The following NRXN3 variants were observed in gnomAD, a reference collection of about 807,000 sequenced individuals.
The protein encoded by NRXN3 is neurexin 3.
Under a neutral mutation model 137.6 loss-of-function variants are expected in NRXN3, and 32 were observed. That is an observed-to-expected ratio of 0.23 (90% CI 0.18 to 0.31). The LOEUF (loss-of-function observed/expected upper bound fraction) is 0.31, where lower values mean the gene tolerates loss of function less well. NRXN3 is among the 10% of genes least tolerant of loss of function. The probability of loss-of-function intolerance (pLI) is 1.00; values close to 1 mark genes in which losing one functional copy is unlikely to be tolerated. For synonymous variants in NRXN3, 798 were observed against 784.5 expected (o/e 1.02, Z -0.29); for missense variants, 1,574 against 2,062.5 (o/e 0.76, Z 4.59).
chr14:79,168,863 C>T (rs2061524342), intron 15 of NRXN3, among the ~76,000 whole-genome samples: 1 of 152,190 alleles, frequency 6.6e-6, no homozygotes, highest in Admixed American at 6.5e-5. Context: ...GGTATCGTTT[C>T]CTGTGCTACT....
intron 4 of NRXN3, among the ~76,000 whole-genome samples, chr14:78,443,305 C>T (rs1299652296): frequency 6.6e-6 from 1 of 152,074 alleles, no homozygotes; most frequent in Non-Finnish European, 1.5e-5. Flanking sequence ...TATGTTGATC[C>T]TCTGTTATTG....
In NRXN3 at chr14:79,572,402, A is replaced by G. The variant is rs567850358; in HGVS notation, c.3445-91376A>G. On this transcript the variant is annotated intron_variant, in intron 16 of 20. Coordinates refer to ENST00000335750, the MANE Select transcript of NRXN3 (RefSeq NM_001330195.2). ...TTCAGAACTATAAATTACAATATTA[A>G]TGAACTTATTTTTAATTCCCATCAC... 7.2e-5 allele frequency among the ~76,000 whole-genome samples: 11 copies of G among 152,340 alleles called. No individual in the cohort carries two copies. In the South Asian group the frequency reaches 2.3e-3, roughly 32 times the overall value.
At chr14:78,292,258 A>G (rs1036031167) in intron 3 of NRXN3, among the ~76,000 whole-genome samples, 2 of 152,222 alleles carry the variant, frequency 1.3e-5, no homozygotes, top group African/African-American at 4.8e-5. Context: ...AGCTATAGCT[A>G]TCTCCATGGG....
At chr14:78,197,780 T>C (rs1310941762) in intron 1 of NRXN3, among the ~76,000 whole-genome samples, 1 of 152,224 alleles carries the variant, frequency 6.6e-6, no homozygotes, top group East Asian at 1.9e-4. Flanking sequence ...TCCAGCTTCC[T>C]TCTCCTCTCC....
intron 4 of NRXN3, among the ~76,000 whole-genome samples, chr14:78,378,462 G>A (rs1486467468): frequency 7.0e-6 from 1 of 143,450 alleles, no homozygotes; most frequent in East Asian, 2.1e-4. Context: ...TCCAGCCTGG[G>A]CAACAGAACA....
At chr14:79,279,860 AC>A (rs779423113) in intron 15 of NRXN3, 4 of 1,011,814 alleles carry the variant, frequency 4.0e-6, no homozygotes, top group Middle Eastern at 5.1e-4. Flanking sequence ...ACCTGAACCC[AC>A]TTGGGTTCGG....
chr14:78,353,070 G>A (rs533790906), intron 4 of NRXN3, among the ~76,000 whole-genome samples: 27 of 152,258 alleles, frequency 1.8e-4, no homozygotes, highest in African/African-American at 6.3e-4. Context: ...AGATTCTTAG[G>A]ACTAGAAGGA....
intron 15 of NRXN3, 156 bp downstream of exon 15, chr14:78,988,297 G>A (rs2099511310): frequency 1.0e-5 from 9 of 875,776 alleles, no homozygotes; most frequent in Admixed American, 1.9e-5. Flanking sequence ...GTGCTCTTAT[G>A]AGAAGAGTGA....
chr14:79,663,247 C>CGCGTGT (rs1555611982), intron 16 of NRXN3, among the ~76,000 whole-genome samples: 2 of 149,470 alleles, frequency 1.3e-5, no homozygotes, highest in East Asian at 4.0e-4. Flanking sequence ...TGTGTGTACG[C>CGCGTGT]GTGTGTGTGT....
Position 79,845,768 on chromosome 14 carries a change from G to T in NRXN3, c.4094-15574G>T, listed in dbSNP as rs1324532087. ...GGAGACGGGGAGAGAGAGGGAGACG[G>T]GGAGAGAGAGGGAGACGGGGAGAGA... On this transcript the variant is annotated intron_variant, in intron 20 of 20. Transcript: ENST00000335750. Among the ~76,000 whole-genome samples the T allele has an allele frequency of 9.0e-5, 8 of 88,900 alleles. 1 individual carries two copies. Among genetic ancestry groups the T allele is most frequent in the East Asian group, 3.2e-4 (1 of 3,084 alleles). The allele number at this position is 88,900 out of a possible 152,430, so 58.3% of individuals were successfully genotyped here.
intron 16 of NRXN3, chr14:79,661,926 C>T (rs936111632): frequency 6.6e-6 from 1 of 152,118 alleles, no homozygotes; most frequent in African/African-American, 2.4e-5. Context: ...CCCATAATCC[C>T]AACGTGTTGT....
intron 10 of NRXN3, among the ~76,000 whole-genome samples, chr14:78,946,777 A>AG (rs886833287): frequency 1.3e-5 from 2 of 152,156 alleles, no homozygotes; most frequent in African/African-American, 2.4e-5. Flanking sequence ...TTGCCAACAT[A>AG]GTCGGTTTTG....
chr14:78,475,719 G>T (rs1162233951), intron 4 of NRXN3, among the ~76,000 whole-genome samples: 1 of 152,194 alleles, frequency 6.6e-6, no homozygotes, highest in African/African-American at 2.4e-5. Context: ...ATGTCAGGGT[G>T]GCAGACACAG....
intron 15 of NRXN3, among the ~76,000 whole-genome samples, chr14:79,083,777 CA>C (rs1242527579): frequency 1.3e-5 from 2 of 152,180 alleles, no homozygotes; most frequent in African/African-American, 4.8e-5. Context: ...GAAAAGTCAT[CA>C]GGGGTTTTAC....
intron 16 of NRXN3, among the ~76,000 whole-genome samples, chr14:79,636,545 C>T (rs554653782): frequency 6.6e-5 from 10 of 152,146 alleles, no homozygotes; most frequent in Admixed American, 1.3e-4. Flanking sequence ...CTTCCAGGCA[C>T]CTAACCCAGG....
intron 15 of NRXN3, among the ~76,000 whole-genome samples, chr14:79,381,556 C>A (rs1266332186): frequency 6.6e-6 from 1 of 152,110 alleles, no homozygotes; most frequent in African/African-American, 2.4e-5. Context: ...TCTCTCAGTA[C>A]CCCTGAAAAA....
At chr14:78,635,156 T>C (rs994652898) in intron 4 of NRXN3, among the ~76,000 whole-genome samples, 2 of 152,198 alleles carry the variant, frequency 1.3e-5, no homozygotes, top group African/African-American at 4.8e-5. Context: ...TGCAGATTTA[T>C]TAAGGCAGGA....
intron 4 of NRXN3, among the ~76,000 whole-genome samples, chr14:78,321,893 A>G (rs1567254759): frequency 6.6e-6 from 1 of 152,008 alleles, no homozygotes; most frequent in African/African-American, 2.4e-5. Context: ...CTTGATAACC[A>G]GCAATTACCT....
At chr14:78,589,550 G>A (rs944218794) in intron 4 of NRXN3, among the ~76,000 whole-genome samples, 1 of 152,104 alleles carries the variant, frequency 6.6e-6, no homozygotes, top group Non-Finnish European at 1.5e-5. Flanking sequence ...TGCCTCTGGC[G>A]GTCTCTTGCA....
Sources: gnomAD v4.1 joint callset for allele counts (sites outside exome capture counted in the v4.1 genomes callset) on GRCh38, gnomAD v4.1.1 for gene constraint, MANE v1.5 for transcripts, NCBI Gene and HGNC (gene_info 2026-07-23, HGNC 2026-07-21) for gene names.